Variants in RBFOX1 observed in about 807,000 individuals in gnomAD.
RBFOX1 encodes RNA binding protein fox-1 homolog 1.
In RBFOX1, 8 loss-of-function variants were observed where a neutral mutation model predicts 57.7. That is an observed-to-expected ratio of 0.14 (90% CI 0.08 to 0.25). RBFOX1 has a LOEUF of 0.25. Ranked by LOEUF, RBFOX1 falls within the 10% of genes least tolerant of loss-of-function variation. RBFOX1 has a pLI of 1.00. For synonymous variants in RBFOX1, 326 were observed against 222.4 expected, an observed-to-expected ratio of 1.47 and a Z score of -4.15; for missense variants, 611 against 548.5, an observed-to-expected ratio of 1.11 and a Z score of -1.14.
In RBFOX1 at chr16:7,713,029, AC is replaced by A. The variant is rs2084225663; in HGVS notation, c.*2285del. On this transcript the variant is annotated 3_prime_UTR_variant, in exon 16 of 16. Transcript: ENST00000550418. ...ATGTTGCAGAATCTTTTGTCTAGGC[AC>A]TCCAAGATGCCAATAAGTCATTTTA... The A allele has an allele frequency of 6.6e-6, 1 of 152,144 alleles. No homozygotes were observed. The highest frequency in any genetic ancestry group is 1.5e-5 in the Non-Finnish European group (1 of 68,022). The allele number at this position is 152,144 out of a possible 1,614,324, so 9.4% of individuals were successfully genotyped here. A position where few individuals can be genotyped will look rare whatever the true frequency, so the allele number is the denominator to read the frequency against.
chr16:6,654,578 T>G (rs772721000), intron 2 of RBFOX1, 25 bp from the exon 3 acceptor site: 1 of 1,497,230 alleles, frequency 6.7e-7, no homozygotes, highest in South Asian at 1.3e-5. Flanking sequence ...TTCTCTCACT[T>G]TCCTTTCTTT....
intron 2 of RBFOX1, among the ~76,000 whole-genome samples, chr16:6,434,216 A>G (rs2094174840): frequency 6.6e-6 from 1 of 152,182 alleles, no homozygotes; most frequent in African/African-American, 2.4e-5. Context: ...CCAGCTCAAT[A>G]TCCCTAATTA....
intron 2 of RBFOX1, among the ~76,000 whole-genome samples, chr16:6,554,419 TC>T (rs982233253): frequency 6.6e-6 from 1 of 151,912 alleles, no homozygotes; most frequent in African/African-American, 2.4e-5. Context: ...GAGGCTTCCC[TC>T]CCGGGGTAAT....
intron 3 of RBFOX1, among the ~76,000 whole-genome samples, chr16:5,626,790 C>T (rs1310239985): frequency 3.9e-5 from 6 of 152,098 alleles, no homozygotes; most frequent in Admixed American, 3.3e-4. Context: ...AAAAAAAGCT[C>T]AACTCTCTTG....
chr16:7,663,274 G>T (rs1207064143), intron 12 of RBFOX1, among the ~76,000 whole-genome samples: 1 of 152,202 alleles, frequency 6.6e-6, no homozygotes, highest in African/African-American at 2.4e-5. Flanking sequence ...TTGGATTAGG[G>T]CTTTATGCCA....
intron 3 of RBFOX1, among the ~76,000 whole-genome samples, chr16:5,654,984 A>T (rs551860155): frequency 6.6e-6 from 1 of 152,220 alleles, no homozygotes; most frequent in South Asian, 2.1e-4. Flanking sequence ...TTTGGATTAT[A>T]CGTTGCATTG....
At chr16:6,574,517 T>C (rs1333095010) in intron 2 of RBFOX1, among the ~76,000 whole-genome samples, 22 of 145,572 alleles carry the variant, frequency 1.5e-4, no homozygotes, top group Admixed American at 6.4e-4. Context: ...CAAGCTCCGC[T>C]TCCAGGGTTC....
chr16:7,090,027 TTTC>T (rs767131891), intron 4 of RBFOX1, among the ~76,000 whole-genome samples: 34 of 152,208 alleles, frequency 2.2e-4, no homozygotes, highest in South Asian at 8.3e-4. Flanking sequence ...TTTCCATTCT[TTTC>T]TTCTTCTTCT....
chr16:7,189,407 C>A (rs949561580), intron 4 of RBFOX1, among the ~76,000 whole-genome samples: 1 of 118,368 alleles, frequency 8.4e-6, no homozygotes, highest in African/African-American at 3.3e-5. Context: ...GCCTGGGCGA[C>A]AGAGCGAGAC....
intron 3 of RBFOX1, among the ~76,000 whole-genome samples, chr16:5,641,245 A>C (rs879300959): frequency 8.5e-5 from 13 of 152,236 alleles, no homozygotes; most frequent in Non-Finnish European, 1.5e-4. Context: ...ACATGTACCA[A>C]CTGAGTACCA....
intron 2 of RBFOX1, among the ~76,000 whole-genome samples, chr16:5,551,795 C>G (rs184561766): frequency 9.9e-4 from 150 of 151,862 alleles, no homozygotes; most frequent in African/African-American, 3.4e-3. Flanking sequence ...CCCTCCGCCC[C>G]CCACCCCCCG....
chr16:6,827,284 G>A (rs548017092), intron 3 of RBFOX1, among the ~76,000 whole-genome samples: 36 of 151,982 alleles, frequency 2.4e-4, no homozygotes, highest in Non-Finnish European at 4.7e-4. Flanking sequence ...GGTTGAAAGT[G>A]CTGTCCTCCA....
intron 12 of RBFOX1, among the ~76,000 whole-genome samples, chr16:7,661,842 C>T (rs756538510): frequency 1.1e-4 from 17 of 152,184 alleles, no homozygotes; most frequent in Non-Finnish European, 1.9e-4. Context: ...ATGTCAGCAA[C>T]ACCCAAGTAA....
chr16:5,726,954 G>A (rs895582131), intron 3 of RBFOX1, among the ~76,000 whole-genome samples: 8 of 152,082 alleles, frequency 5.3e-5, no homozygotes, highest in African/African-American at 7.2e-5. Flanking sequence ...AGCCCTGGCC[G>A]TGAATTCAAA....
At chr16:6,109,679 C>T (rs1460020700) in intron 1 of RBFOX1, among the ~76,000 whole-genome samples, 1 of 151,972 alleles carries the variant, frequency 6.6e-6, no homozygotes, top group African/African-American at 2.4e-5. Context: ...TAAATGAGGG[C>T]TTACCAATTA....
chr16:6,497,559 T>TTC (rs2095804622), intron 2 of RBFOX1, among the ~76,000 whole-genome samples: 1 of 132,936 alleles, frequency 7.5e-6, no homozygotes, highest in Non-Finnish European at 1.7e-5. Flanking sequence ...TTTTGAAGTT[T>TTC]TTAAAAAAAA....
chr16:6,530,148 A>G (rs189290946), intron 2 of RBFOX1, among the ~76,000 whole-genome samples: 3 of 152,154 alleles, frequency 2.0e-5, no homozygotes, highest in Admixed American at 2.0e-4. Flanking sequence ...CCCTTCTTTT[A>G]TCTTAGAATG....
intron 3 of RBFOX1, among the ~76,000 whole-genome samples, chr16:6,732,405 C>G (rs111758409): frequency 0.016 from 2,423 of 152,332 alleles, 41 homozygotes; most frequent in Middle Eastern, 0.034. Flanking sequence ...CAGGTGACCT[C>G]TCTGGCCCAA....
chr16:6,034,050 G>A (rs115535609), intron 1 of RBFOX1, among the ~76,000 whole-genome samples: 1,984 of 152,088 alleles, frequency 0.013, 39 homozygotes, highest in African/African-American at 0.044. Flanking sequence ...AATAGGAATC[G>A]TTGGCCAGGC....
Sources: gnomAD v4.1 joint callset for allele counts (sites outside exome capture counted in the v4.1 genomes callset) on GRCh38, gnomAD v4.1.1 for gene constraint, MANE v1.5 for transcripts, NCBI Gene and HGNC (gene_info 2026-07-23, HGNC 2026-07-21) for gene names.